CISD1: variants seen among roughly 807,000 people sequenced by gnomAD.
CISD1 encodes CDGSH iron sulfur domain 1.
CISD1 carries 8 observed loss-of-function variants against 12.0 expected under a neutral mutation model. That is an observed-to-expected ratio of 0.67 (90% CI 0.39 to 1.20). The LOEUF (loss-of-function observed/expected upper bound fraction) is 1.20, where lower values mean the gene tolerates loss of function less well. Among genes scored for constraint, CISD1 ranks in the 50% most tolerant of loss-of-function variants. The pLI is 0.01. For missense variants in CISD1, 107 were observed against 132.7 expected (o/e 0.81, Z 0.95); for synonymous variants, 38 against 42.2 (o/e 0.90, Z 0.39).
intron 2 of CISD1, among the ~76,000 whole-genome samples, chr10:58,283,490 A>C (rs1839395228): frequency 6.6e-6 from 1 of 152,234 alleles, no homozygotes; most frequent in African/African-American, 2.4e-5. Flanking sequence ...AAATGGTGCC[A>C]GGCAACTTCC....
Position 58,287,836 on chromosome 10 carries a change from A to C in CISD1, c.*186A>C, listed in dbSNP as rs77230219. ...CGTGGTGCACATTTGTTTAAACAAAAAAAAAAAAAAAAAGGAAAAACCAAC... is the reference window on the plus strand; with the variant it reads ...CGTGGTGCACATTTGTTTAAACAAACAAAAAAAAAAAAAGGAAAAACCAAC... On this transcript the variant is annotated 3_prime_UTR_variant, in exon 3 of 3. Transcript: ENST00000333926. 1.5e-5 allele frequency: 3 copies of C among 199,194 alleles called. No individual in the cohort carries two copies. The highest frequency in any genetic ancestry group is 1.6e-5 in the Non-Finnish European group (2 of 122,006). 12.3% of individuals were successfully genotyped at this position (199,194 alleles called of 1,614,324 possible).
intron 2 of CISD1, among the ~76,000 whole-genome samples, chr10:58,285,528 G>T (rs1839419559): frequency 6.6e-6 from 1 of 152,136 alleles, no homozygotes; most frequent in Non-Finnish European, 1.5e-5. Flanking sequence ...ATTCTAGAGT[G>T]TAGATACATT....
At chr10:58,270,652 C>T (rs79458410) in intron 1 of CISD1, among the ~76,000 whole-genome samples, 2,224 of 152,278 alleles carry the variant, frequency 0.015, 48 homozygotes, top group African/African-American at 0.05. Context: ...AAATGTGAAA[C>T]GGGTGAACCC....
At chr10:58,286,289 C>T (rs1839428987) in intron 2 of CISD1, among the ~76,000 whole-genome samples, 1 of 151,818 alleles carries the variant, frequency 6.6e-6, no homozygotes, top group African/African-American at 2.4e-5. Context: ...TGCAAATATC[C>T]CAGCGTAGTA....
At chr10:58,273,700 T>C (rs79461886) in intron 1 of CISD1, among the ~76,000 whole-genome samples, 9,425 of 152,228 alleles carry the variant, frequency 0.062, 350 homozygotes, top group African/African-American at 0.092. Flanking sequence ...ATTCAGAAAT[T>C]ATTGGAAGTG....
intron 1 of CISD1, among the ~76,000 whole-genome samples, chr10:58,269,880 C>T (rs1839224049): frequency 6.6e-6 from 1 of 152,154 alleles, no homozygotes; most frequent in South Asian, 2.1e-4. Flanking sequence ...TTGAAAACTG[C>T]GTTCGTTGAA....
chr10:58,269,723 A>G (rs1839221220), intron 1 of CISD1, among the ~76,000 whole-genome samples: 1 of 152,228 alleles, frequency 6.6e-6, no homozygotes. Context: ...ATTTCCTGCA[A>G]TCCTGAAGCA....
intron 2 of CISD1, among the ~76,000 whole-genome samples, chr10:58,278,505 AC>A (rs997220773): frequency 1.3e-5 from 2 of 152,158 alleles, no homozygotes; most frequent in African/African-American, 4.8e-5. Flanking sequence ...ATTGCATCAC[AC>A]TGCGTTCCAG....
chr10:58,286,384 A>C (rs1839430376), intron 2 of CISD1, among the ~76,000 whole-genome samples: 1 of 152,164 alleles, frequency 6.6e-6, no homozygotes, highest in Non-Finnish European at 1.5e-5. Context: ...AAAGGTAATA[A>C]TGTGGGAAGC....
chr10:58,287,496 C>A, intron 2 of CISD1, 65 bp from the exon 3 acceptor site: 2 of 1,132,610 alleles, frequency 1.8e-6, no homozygotes, highest in South Asian at 1.5e-5. Context: ...CATCACCTTC[C>A]ACTCTGCCGA....
rs1839209425 is a variant in CISD1 at position 58,269,300 on chromosome 10, A to G, written c.27A>G (p.Val9=). 3.1e-6 allele frequency: 5 copies of G among 1,608,792 alleles called. No individual in the cohort carries two copies. Among genetic ancestry groups the G allele is most frequent in the Middle Eastern group, 1.7e-4 (1 of 5,986 alleles). ...TGAGTCTGACTTCCAGTTCCAGCGT[A>G]CGAGGTGAAGTGGGGCCTGGGAGCG... The part of the protein sequence containing the change: MSLTSSSS[V]RVEWIAAVTI... Residue 9 remains valine (V), a synonymous_variant, in exon 1 of 3, where the codon GTA becomes GTG. Coordinates refer to ENST00000333926, the MANE Select transcript of CISD1 (RefSeq NM_018464.5).
intron 1 of CISD1, among the ~76,000 whole-genome samples, chr10:58,269,898 C>G (rs1027606550): frequency 2.0e-5 from 3 of 152,148 alleles, no homozygotes; most frequent in African/African-American, 7.2e-5. Flanking sequence ...GAACCTTCAG[C>G]TTTCTGAGTC....
chr10:58,283,764 T>C (rs1320459519), intron 2 of CISD1, among the ~76,000 whole-genome samples: 1 of 152,204 alleles, frequency 6.6e-6, no homozygotes, highest in Non-Finnish European at 1.5e-5. Context: ...CTTCTAACCC[T>C]TTCTTCCCCC....
Position 58,277,259 on chromosome 10 carries a change from T to C in CISD1, c.174T>C (p.His58=). 6.2e-7 allele frequency: 1 copy of C among 1,612,482 alleles called. No individual in the cohort carries two copies. Among genetic ancestry groups the C allele is most frequent in the Non-Finnish European group, 8.5e-7 (1 of 1,179,296 alleles). ...HIQKDNPKIV[H]AFDMEDLGDK... ...AGAAAGACAACCCCAAGATAGTACA[T>C]GCTTTTGACATGGAGGATTTGGGAG... Residue 58 remains histidine (H), a synonymous_variant, in exon 2 of 3, where the codon CAT becomes CAC. Coordinates refer to ENST00000333926, the MANE Select transcript of CISD1 (RefSeq NM_018464.5).
chr10:58,275,287 T>C lies in CISD1; in HGVS notation c.32-1830T>C, dbSNP rs777598960. 2.6e-5 allele frequency among the ~76,000 whole-genome samples: 4 copies of C among 152,330 alleles called. No homozygotes were observed. In the South Asian group the frequency reaches 8.3e-4, roughly 32 times the overall value. On this transcript the variant is annotated intron_variant, in intron 1 of 2. Transcript: ENST00000333926. ...TTCCATTAGCTAAGAAGTGGATTGC[T>C]ACAGCTCCTGGCATAGGAAATGTTT...
chr10:58,283,659 T>C (rs1159673293), intron 2 of CISD1, among the ~76,000 whole-genome samples: 1 of 152,190 alleles, frequency 6.6e-6, no homozygotes, highest in Non-Finnish European at 1.5e-5. Context: ...AAAAGAAATG[T>C]TGTGTTTTTA....
intron 1 of CISD1, among the ~76,000 whole-genome samples, chr10:58,270,006 G>A (rs1839226364): frequency 6.6e-6 from 1 of 152,166 alleles, no homozygotes; most frequent in Non-Finnish European, 1.5e-5. Context: ...GTCATTTAAT[G>A]TGGAGTTTCA....
intron 1 of CISD1, among the ~76,000 whole-genome samples, chr10:58,271,594 GA>G (rs1431865527): frequency 2.6e-5 from 4 of 152,120 alleles, no homozygotes; most frequent in African/African-American, 9.7e-5. Flanking sequence ...TTAATTGGGG[GA>G]AAGATATCAT....
chr10:58,279,386 C>A (rs1056158519), intron 2 of CISD1, among the ~76,000 whole-genome samples: 1 of 151,914 alleles, frequency 6.6e-6, no homozygotes, highest in Non-Finnish European at 1.5e-5. Flanking sequence ...TGAAAAGTCC[C>A]AAGCATTTAT....
Sources: gnomAD v4.1 joint callset for allele counts (sites outside exome capture counted in the v4.1 genomes callset) on GRCh38, gnomAD v4.1.1 for gene constraint, MANE v1.5 for transcripts, NCBI Gene and HGNC (gene_info 2026-07-23, HGNC 2026-07-21) for gene names.